ELP5: variants seen among roughly 807,000 people sequenced by gnomAD.
The protein encoded by ELP5 is elongator complex protein 5.
ELP5 carries 34 observed loss-of-function variants against 33.4 expected under a neutral mutation model. That is an observed-to-expected ratio of 1.02 (90% CI 0.78 to 1.36). The LOEUF is 1.36. ELP5 is among the 40% of genes most tolerant of loss of function. The probability of loss-of-function intolerance (pLI) is 0.00; values close to 1 mark genes in which losing one functional copy is unlikely to be tolerated. For synonymous variants in ELP5, 161 were observed against 146.4 expected (o/e 1.10, Z -0.72); for missense variants, 373 against 371.7 (o/e 1.00, Z -0.03).
In ELP5 at chr17:7,252,559, C is replaced by T. The variant is rs774984603; in HGVS notation, c.9C>T (p.Asp3=). Residue 3 remains aspartate, a synonymous_variant, in exon 1 of 8, where the codon GAC becomes GAT. Coordinates refer to ENST00000396628, the MANE Select transcript of ELP5 (RefSeq NM_203414.3). ...CCGGACGCGAGTTGGAGATGTTGGA[C>T]TCGCTGTTGGCCTTGGGCGGCCTGG... ML[D]SLLALGGLVL... 3.1e-6 allele frequency: 5 copies of T among 1,613,650 alleles called. No homozygotes were observed. The highest frequency in any genetic ancestry group is 2.2e-5 in the South Asian group (2 of 91,004).
chr17:7,259,217 TG>T (rs1597588164), intron 7 of ELP5: 51 of 1,381,124 alleles, frequency 3.7e-5, no homozygotes, highest in Non-Finnish European at 4.6e-5. Flanking sequence ...CCCTAGGCAG[TG>T]GTGCTAGGAG....
At chr17:7,254,851 A>G in intron 4 of ELP5, 48 bp downstream of exon 4, 2 of 1,503,704 alleles carry the variant, frequency 1.3e-6, no homozygotes, top group Non-Finnish European at 1.8e-6. Context: ...CCCTCTGCCA[A>G]GGAGTGTGCC....
rs142613342 is a variant in ELP5, at chr17:7,254,601, C to T, written c.207C>T (p.Phe69=). 17 of 1,612,874 alleles carry T rather than the reference C, an allele frequency of 1.1e-5. No individual in the cohort carries two copies. In the Admixed American group the frequency reaches 1.3e-4, roughly 13 times the overall value. The change falls in exon 4 of 8, where the codon TTC becomes TTT. Residue 69 remains phenylalanine (F), a synonymous_variant. Transcript: ENST00000396628. The part of the protein sequence containing the change: ...DINNRLVYHD[F]FRDPLNWSKT... ...TTTGCAGGCTGGTTTACCATGACTT[C>T]TTCAGAGACCCTCTCAACTGGTCAA...
Position 7,259,458 on chromosome 17 carries a change from A to G in ELP5, c.789-113A>G. The G allele has an allele frequency of 2.6e-6, 4 of 1,535,088 alleles. 1 individual carries two copies. In the South Asian group the frequency reaches 5.1e-5, roughly 20 times the overall value. On this transcript the variant is annotated intron_variant, in intron 7 of 7. Coordinates refer to ENST00000396628, the MANE Select transcript of ELP5 (RefSeq NM_203414.3). The stretch of plus-strand genomic sequence containing the variant: ...CAGAGAAAGGGACTTGGACCAATAA[A>G]ATGACATGGAGGCCTAACAGGTTGC...
At chr17:7,254,163 C>G (rs2072018821) in intron 3 of ELP5, among the ~76,000 whole-genome samples, 1 of 152,196 alleles carries the variant, frequency 6.6e-6, no homozygotes, top group African/African-American at 2.4e-5. Flanking sequence ...ACAGGCAGGA[C>G]CAAATCTCAC....
At chr17:7,259,004 T>G in intron 7 of ELP5, 78 bp downstream of exon 7, 2 of 1,593,198 alleles carry the variant, frequency 1.3e-6, no homozygotes, top group South Asian at 1.1e-5. Flanking sequence ...GGCAACAGGT[T>G]ATTGATTAAC....
At position 7,258,677 on chromosome 17, in the gene ELP5, AC is replaced by A; in HGVS notation, c.686del (p.Pro229ArgfsTer8). 6.2e-7 allele frequency: 1 copy of A among 1,613,782 alleles called. No homozygotes were observed. Among genetic ancestry groups the A allele is most frequent in the South Asian group, 1.1e-5 (1 of 91,054 alleles). ...ESQPYSDPHI[P>X]PVDPTTHLTF... ...CCCAGCCCTACTCCGATCCTCATAT[AC>A]CCCCGGTATCTAAGAATGCCAAGGC... On this transcript the variant is annotated frameshift_variant, in exon 6 of 8. Coordinates refer to ENST00000396628, the MANE Select transcript of ELP5 (RefSeq NM_203414.3). LOFTEE classifies it high-confidence loss of function.
At chr17:7,259,128 TTG>T in intron 7 of ELP5, 1 of 1,432,344 alleles carries the variant, frequency 7.0e-7, no homozygotes, top group Non-Finnish European at 9.1e-7. Flanking sequence ...CCTTATACCC[TTG>T]GGTCACAGCT....
In ELP5 at chr17:7,257,033, G is replaced by A; in HGVS notation, c.586G>A (p.Asp196Asn). Residue 196 changes from aspartate (D) to asparagine (N), a missense_variant, in exon 5 of 8, where the codon GAC becomes AAC. Coordinates refer to ENST00000396628, the MANE Select transcript of ELP5 (RefSeq NM_203414.3). ...LCRRPRQRPT[D>N]QTQWFSILPD... ...TCGGAGGCCCCGACAGCGCCCAACT[G>A]ACCAGGTCAGAAGAACCAACAGAGA... 1 of 1,582,136 alleles carries A rather than the reference G, an allele frequency of 6.3e-7. No homozygotes were observed. The highest frequency in any genetic ancestry group is 8.6e-7 in the Non-Finnish European group (1 of 1,166,976).
Position 7,252,248 on chromosome 17 carries a change from T to G in ELP5, c.-303T>G. On this transcript the variant is annotated 5_prime_UTR_variant, in exon 1 of 8. Coordinates refer to ENST00000396628, the MANE Select transcript of ELP5 (RefSeq NM_203414.3). ...CGCGCTTAGGGCCCTCGCGGGGGGC[T>G]TGTGGGTCCTCCTCCCCCTCCCACT... 3 of 475,860 alleles carry G rather than the reference T, an allele frequency of 6.3e-6. No individual in the cohort carries two copies. Among genetic ancestry groups the G allele is most frequent in the Middle Eastern group, 5.9e-4 (1 of 1,708 alleles). 29.5% of individuals were successfully genotyped at this position (475,860 alleles called of 1,614,324 possible).
intron 4 of ELP5, among the ~76,000 whole-genome samples, 177 bp from the exon 5 acceptor site, chr17:7,256,680 A>T (rs2072081843): frequency 6.6e-6 from 1 of 152,212 alleles, no homozygotes. Flanking sequence ...GGGATGATAG[A>T]GGAGATTAAG....
At chr17:7,252,186 CAA>C, upstream of ELP5, 1 of 381,322 alleles carries the variant, frequency 2.6e-6, no homozygotes. Flanking sequence ...GGCCCCGCCT[CAA>C]ACTGCGTGGG....
chr17:7,257,506 C>T lies in ELP5; in HGVS notation c.591+468C>T, dbSNP rs146397099. 3.3e-5 allele frequency among the ~76,000 whole-genome samples: 5 copies of T among 150,582 alleles called. No homozygotes were observed. In the South Asian group the frequency reaches 6.5e-4, roughly 20 times the overall value. On this transcript the variant is annotated intron_variant, in intron 5 of 7. Transcript: ENST00000396628. The stretch of plus-strand genomic sequence containing the variant: ...AGTGCTGTGGTGCAATCATAACTTA[C>T]GGCAGCTTTGACCTCCCATGTTCAA...
intron 2 of ELP5, 33 bp from the exon 3 acceptor site, chr17:7,252,885 C>T: frequency 6.2e-7 from 1 of 1,614,094 alleles, no homozygotes; most frequent in South Asian, 1.1e-5. Flanking sequence ...CCTGTGCCCA[C>T]TCTTTGACAA....
Position 7,256,340 on chromosome 17 carries a change from C to T in ELP5, c.410-517C>T, listed in dbSNP as rs540978629. Among the ~76,000 whole-genome samples, 36 of 152,240 alleles carry T rather than the reference C, an allele frequency of 2.4e-4. No homozygotes were observed. In the South Asian group the frequency reaches 3.9e-3, roughly 17 times the overall value. On this transcript the variant is annotated intron_variant, in intron 4 of 7. Transcript: ENST00000396628. The stretch of plus-strand genomic sequence containing the variant: ...CCTGGGCGACAGAGCAAGACTCCAT[C>T]TCGAAAAAGAAAAGAAAAAAAAATT...
Position 7,258,879 on chromosome 17 carries a change from A to G in ELP5, c.741A>G (p.Arg247=), listed in dbSNP as rs1453250686. 1 of 1,614,020 alleles carries G rather than the reference A, an allele frequency of 6.2e-7. No homozygotes were observed. Among genetic ancestry groups the G allele is most frequent in the East Asian group, 2.2e-5 (1 of 44,886 alleles). ...ACCTTCACCTGTCCAAGAAAGAGAG[A>G]GAAGCCAGAGATAGCCTGATCCTGC... The part of the protein sequence containing the change: ...TFNLHLSKKE[R]EARDSLILPF... The change falls in exon 7 of 8, where the codon AGA becomes AGG. Residue 247 remains arginine (R), a synonymous_variant. Coordinates refer to ENST00000396628, the MANE Select transcript of ELP5 (RefSeq NM_203414.3).
upstream of ELP5, chr17:7,252,074 C>G: frequency 3.8e-6 from 1 of 262,248 alleles, no homozygotes; most frequent in Non-Finnish European, 7.6e-6. Flanking sequence ...CCTGCGCGGT[C>G]TATGGCGGGT....
chr17:7,253,912 G>A (rs1231108810), intron 3 of ELP5, among the ~76,000 whole-genome samples: 12 of 151,598 alleles, frequency 7.9e-5, no homozygotes, highest in Non-Finnish European at 1.6e-4. Context: ...CAGGAGAATC[G>A]CTTGAACCCA....
Position 7,254,727 on chromosome 17 carries a change from C to A in ELP5, c.333C>A (p.Ser111Arg). ...VPVTIALDSL[S>R]WLLLRLPCTT... ...TCACCATTGCTCTCGATTCACTCAG[C>A]TGGCTGCTACTTCGCCTTCCCTGCA... The change falls in exon 4 of 8, where the codon AGC becomes AGA. Residue 111 changes from serine (S) to arginine (R), a missense_variant. By Grantham distance (110) the Ser-to-Arg change is moderately radical (BLOSUM62 -1). Transcript: ENST00000396628. 1.2e-6 allele frequency: 2 copies of A among 1,614,158 alleles called. No individual in the cohort carries two copies.
Sources: gnomAD v4.1 joint callset for allele counts (sites outside exome capture counted in the v4.1 genomes callset) on GRCh38, gnomAD v4.1.1 for gene constraint, MANE v1.5 for transcripts, NCBI Gene and HGNC (gene_info 2026-07-23, HGNC 2026-07-21) for gene names.